The following EPB41L5 variants were observed in gnomAD, a reference collection of about 807,000 sequenced individuals.
EPB41L5 encodes the protein band 4.1-like protein 5.
EPB41L5 carries 55 observed loss-of-function variants against 106.6 expected under a neutral mutation model. The ratio of observed to expected loss-of-function variants is 0.52; its 90% CI spans 0.42 to 0.65. EPB41L5 has a LOEUF of 0.65. EPB41L5 is among the 30% of genes least tolerant of loss of function. EPB41L5 has a pLI of 0.00. For missense variants in EPB41L5, 871 were observed against 882.1 expected (o/e 0.99, Z 0.16); for synonymous variants, 297 against 306.7 (o/e 0.97, Z 0.33).
chr2:120,142,141 A>G (rs1686203069), intron 18 of EPB41L5, among the ~76,000 whole-genome samples: 1 of 150,358 alleles, frequency 6.7e-6, no homozygotes, highest in African/African-American at 2.4e-5. Flanking sequence ...AAAACAAGGT[A>G]AAATATACAT....
intron 17 of EPB41L5, 60 bp from the exon 18 acceptor site, chr2:120,131,558 A>G (rs1341058785): frequency 1.3e-5 from 16 of 1,188,536 alleles, no homozygotes; most frequent in Non-Finnish European, 2.0e-5. Flanking sequence ...ATACCCTCAC[A>G]CAGCTAGCTG....
chr2:120,133,844 A>G (rs981068212), intron 18 of EPB41L5, among the ~76,000 whole-genome samples: 3 of 152,064 alleles, frequency 2.0e-5, no homozygotes, highest in African/African-American at 7.2e-5. Flanking sequence ...GCTCTGGGAG[A>G]GACTTCTTCC....
At chr2:120,156,599 T>C (rs1686911921) in intron 20 of EPB41L5, among the ~76,000 whole-genome samples, 1 of 152,164 alleles carries the variant, frequency 6.6e-6, no homozygotes, top group Non-Finnish European at 1.5e-5. Context: ...CAGCCAGCAC[T>C]GTGGCAGGAG....
intron 3 of EPB41L5, among the ~76,000 whole-genome samples, chr2:120,071,191 A>C (rs1382707844): frequency 1.3e-5 from 2 of 151,384 alleles, no homozygotes; most frequent in Non-Finnish European, 3.0e-5. Flanking sequence ...CTATACACCA[A>C]TAACAGAGAG....
intron 3 of EPB41L5, among the ~76,000 whole-genome samples, chr2:120,045,366 G>T (rs1317445518): frequency 6.6e-6 from 1 of 152,108 alleles, no homozygotes; most frequent in Non-Finnish European, 1.5e-5. Flanking sequence ...TAATTTCATA[G>T]TTGAAACAAT....
At chr2:120,156,649 C>T (rs1388628472) in intron 20 of EPB41L5, among the ~76,000 whole-genome samples, 1 of 152,192 alleles carries the variant, frequency 6.6e-6, no homozygotes, top group African/African-American at 2.4e-5. Context: ...TCCCCCATCA[C>T]GAGCAACCAC....
intron 5 of EPB41L5, among the ~76,000 whole-genome samples, chr2:120,074,999 G>T (rs11123542): frequency 0.69 from 104,471 of 152,008 alleles, 37,477 homozygotes; most frequent in Non-Finnish European, 0.79. Context: ...CAGCCAATTT[G>T]CGTATTTTAA....
At chr2:120,057,685 A>G (rs569258741) in intron 3 of EPB41L5, among the ~76,000 whole-genome samples, 2 of 150,718 alleles carry the variant, frequency 1.3e-5, no homozygotes, top group East Asian at 3.9e-4. Flanking sequence ...ATCTCATTGT[A>G]TAACTAAACA....
chr2:120,114,415 G>A (rs1310363713), intron 16 of EPB41L5, among the ~76,000 whole-genome samples: 1 of 152,182 alleles, frequency 6.6e-6, no homozygotes, highest in Non-Finnish European at 1.5e-5. Flanking sequence ...TTTAAAAATA[G>A]GCTTTGTGTT....
At chr2:120,172,592 C>T (rs747498393) in intron 24 of EPB41L5, among the ~76,000 whole-genome samples, 5 of 152,140 alleles carry the variant, frequency 3.3e-5, no homozygotes, top group Non-Finnish European at 7.4e-5. Flanking sequence ...ATACAGTTTC[C>T]CTAAAATATA....
intron 1 of EPB41L5, 32 bp from the exon 2 acceptor site, chr2:120,019,045 C>T: frequency 2.6e-6 from 4 of 1,548,832 alleles, no homozygotes; most frequent in African/African-American, 1.4e-5. Context: ...CATTTTTTTC[C>T]TGATGCCATC....
intron 21 of EPB41L5, 56 bp from the exon 22 acceptor site, chr2:120,164,780 T>C: frequency 1.5e-6 from 2 of 1,302,304 alleles, no homozygotes; most frequent in Non-Finnish European, 2.2e-6. Context: ...TGGAAAAAAC[T>C]TAACATCTGA....
chr2:120,044,157 AGG>A (rs1490463878), intron 3 of EPB41L5, among the ~76,000 whole-genome samples: 1 of 151,372 alleles, frequency 6.6e-6, no homozygotes, highest in African/African-American at 2.4e-5. Context: ...AAAAAAAAAA[AGG>A]ATATATGGCC....
At chr2:120,078,749 G>A (rs1224865306) in intron 10 of EPB41L5, among the ~76,000 whole-genome samples, 168 bp downstream of exon 10, 1 of 152,010 alleles carries the variant, frequency 6.6e-6, no homozygotes, top group Non-Finnish European at 1.5e-5. Context: ...ACTCTCCAGA[G>A]GCAATTATTA....
At chr2:120,050,158 C>G (rs542379676) in intron 3 of EPB41L5, among the ~76,000 whole-genome samples, 22 of 152,174 alleles carry the variant, frequency 1.4e-4, no homozygotes, top group South Asian at 4.2e-4. Flanking sequence ...TTGCTCTTCT[C>G]GAGGAGTATC....
intron 16 of EPB41L5, among the ~76,000 whole-genome samples, chr2:120,113,556 A>G (rs1428074026): frequency 1.3e-5 from 2 of 152,274 alleles, no homozygotes; most frequent in African/African-American, 2.4e-5. Flanking sequence ...ATTTAAGTGT[A>G]TAATTCAGTG....
At chr2:120,070,700 C>T (rs1029874490) in intron 3 of EPB41L5, among the ~76,000 whole-genome samples, 24 of 152,124 alleles carry the variant, frequency 1.6e-4, no homozygotes, top group African/African-American at 5.6e-4. Flanking sequence ...AATCAATAAA[C>T]GTAATCCATC....
Position 120,174,967 on chromosome 2 carries a change from G to A in EPB41L5, c.*60G>A. ...TCCGTCCTGGGATCCGTTTCAGCTA[G>A]AATATGTTGGATTCAGGAGCTTGTC... On this transcript the variant is annotated 3_prime_UTR_variant, in exon 25 of 25. Coordinates refer to ENST00000263713, the MANE Select transcript of EPB41L5 (RefSeq NM_020909.4). 3 of 1,488,688 alleles carry A rather than the reference G, an allele frequency of 2.0e-6. No individual in the cohort carries two copies. The highest frequency in any genetic ancestry group is 2.8e-6 in the Non-Finnish European group (3 of 1,065,558). 92.2% of individuals were successfully genotyped at this position (1,488,688 alleles called of 1,614,324 possible).
At chr2:120,027,386 C>T (rs1055479414) in intron 2 of EPB41L5, among the ~76,000 whole-genome samples, 5 of 152,076 alleles carry the variant, frequency 3.3e-5, no homozygotes, top group African/African-American at 1.2e-4. Flanking sequence ...ACTGCTAAAA[C>T]GTAGATGAAT....
Sources: allele counts gnomAD v4.1 joint callset (sites outside exome capture counted in the v4.1 genomes callset), GRCh38; gene constraint gnomAD v4.1.1; transcripts MANE v1.5; gene names NCBI Gene and HGNC (gene_info 2026-07-23, HGNC 2026-07-21).